IGSF10: variants seen among roughly 807,000 people sequenced by gnomAD.
IGSF10 encodes the protein immunoglobulin superfamily member 10, also known as calvaria mechanical force protein 608.
Under a neutral mutation model 128.2 loss-of-function variants are expected in IGSF10, and 126 were observed. The ratio of observed to expected loss-of-function variants is 0.98; its 90% CI spans 0.85 to 1.14. The LOEUF (loss-of-function observed/expected upper bound fraction) is 1.14. IGSF10 is among the 50% of genes most tolerant of loss of function. The pLI, the probability that IGSF10 is intolerant of heterozygous loss-of-function variation, is 0.00. For missense variants in IGSF10, 3,295 were observed against 3,149.8 expected (o/e 1.05, Z -1.10); for synonymous variants, 1,185 against 1,146.2 (o/e 1.03, Z -0.68).
chr3:151,500,299 C>A, the IGSF10 span, among the ~76,000 whole-genome samples: 9 of 139,704 alleles, frequency 6.4e-5, no homozygotes, highest in Non-Finnish European at 1.1e-4. Flanking sequence ...GTGTATCTCC[C>A]AGACACTAAA....
chr3:151,582,859 T>C, the IGSF10 span, among the ~76,000 whole-genome samples: 1 of 152,230 alleles, frequency 6.6e-6, no homozygotes, highest in Non-Finnish European at 1.5e-5. Flanking sequence ...TTATGTATGA[T>C]TTTTACTAAT....
At chr3:151,461,394 T>A (rs903592917), upstream of IGSF10, 38 of 985,190 alleles carry the variant, frequency 3.9e-5, no homozygotes, top group Non-Finnish European at 4.5e-5. Flanking sequence ...AAAGTTCTAT[T>A]TGAAGGCTAA....
In IGSF10 at chr3:151,453,389, T is replaced by G; in HGVS notation, c.710A>C (p.Lys237Thr). ...LKWLSDWIQE[K>T]PDVIKCKKDR... Reference sequence around the variant, plus strand: ...AAAATAAACAATATAGATACCTGGCTTCTCCTGTATCCAGTCAGACAACCA... The same window carrying G: ...AAAATAAACAATATAGATACCTGGCGTCTCCTGTATCCAGTCAGACAACCA... The change falls in exon 5 of 8, where the codon AAG becomes ACG. Residue 237 changes from lysine to threonine, a missense_variant. By Grantham distance (78) the Lys-to-Thr change is moderately conservative (BLOSUM62 -1). Transcript: ENST00000282466. 1 of 1,583,286 alleles carries G rather than the reference T, an allele frequency of 6.3e-7. No homozygotes were observed. The highest frequency in any genetic ancestry group is 8.5e-7 in the Non-Finnish European group (1 of 1,170,358).
At chr3:151,557,133 G>T in the IGSF10 span, among the ~76,000 whole-genome samples, 34 of 152,264 alleles carry the variant, frequency 2.2e-4, no homozygotes, top group African/African-American at 8.2e-4. Context: ...CAATAGACAG[G>T]TTAACAGGAA....
chr3:151,481,479 C>G, the IGSF10 span, among the ~76,000 whole-genome samples: 3 of 152,188 alleles, frequency 2.0e-5, no homozygotes, highest in South Asian at 6.2e-4. Context: ...AGCATCCCTT[C>G]TTTCTTGCAC....
At chr3:151,575,400 G>A in the IGSF10 span, among the ~76,000 whole-genome samples, 2,314 of 152,106 alleles carry the variant, frequency 0.015, 19 homozygotes, top group South Asian at 0.058. Context: ...CTTCCCGGTC[G>A]CTTTTTTTAC....
At chr3:151,549,003 A>C in the IGSF10 span, among the ~76,000 whole-genome samples, 1 of 152,036 alleles carries the variant, frequency 6.6e-6, no homozygotes, top group Non-Finnish European at 1.5e-5. Flanking sequence ...GATGTTAGTA[A>C]TCATTTTTGT....
chr3:151,537,338 C>T, the IGSF10 span, among the ~76,000 whole-genome samples: 4 of 152,056 alleles, frequency 2.6e-5, no homozygotes, highest in African/African-American at 7.2e-5. Context: ...TTGTGACTTT[C>T]CCCTGAAGTC....
the IGSF10 span, among the ~76,000 whole-genome samples, chr3:151,567,110 C>G: frequency 1.3e-5 from 2 of 152,132 alleles, no homozygotes; most frequent in African/African-American, 4.8e-5. Flanking sequence ...GACTTGGGCC[C>G]TGGGCATTTT....
At chr3:151,524,950 T>C in the IGSF10 span, among the ~76,000 whole-genome samples, 2 of 151,538 alleles carry the variant, frequency 1.3e-5, no homozygotes, top group Admixed American at 1.3e-4. Flanking sequence ...AGCTATAATA[T>C]TGTCAATATG....
At chr3:151,463,530 T>TG (rs1722147746), upstream of IGSF10, among the ~76,000 whole-genome samples, 1 of 60,276 alleles carries the variant, frequency 1.7e-5, no homozygotes, top group East Asian at 7.5e-4. Context: ...CTGGTTTTTT[T>TG]TTTTTTTTTT....
chr3:151,511,659 G>A, the IGSF10 span, among the ~76,000 whole-genome samples: 3 of 152,024 alleles, frequency 2.0e-5, no homozygotes, highest in East Asian at 1.9e-4. Context: ...CAATTAAAAG[G>A]CACAGACTGG....
chr3:151,562,834 C>T, the IGSF10 span, among the ~76,000 whole-genome samples: 115 of 152,142 alleles, frequency 7.6e-4, no homozygotes, highest in African/African-American at 2.5e-3. Flanking sequence ...TTATCAAGGA[C>T]GTACATACAG....
chr3:151,549,583 T>C, the IGSF10 span, among the ~76,000 whole-genome samples: 1,102 of 152,340 alleles, frequency 7.2e-3, 13 homozygotes, highest in African/African-American at 0.025. Context: ...GAATTTAGCT[T>C]TGCTTCTGCT....
rs148479279 is a variant in IGSF10 at position 151,447,978 on chromosome 3, C to T, written c.2003G>A (p.Arg668Lys). ...FQVSVKMKGQ[R>K]PLEHDGETEG... is the part of the protein sequence containing the mutation. ...TGTTTCTCCATCATGCTCCAAGGGC[C>T]TTTGTCCTTTCATCTTGACTGAAAC... is the stretch of plus-strand genomic sequence containing the variant. Residue 668 changes from arginine (R) to lysine (K), a missense_variant, in exon 6 of 8, where the codon AGG (arginine) becomes AAG (lysine). Coordinates refer to ENST00000282466, the MANE Select transcript of IGSF10 (RefSeq NM_178822.5). 4.4e-5 allele frequency: 71 copies of T among 1,614,018 alleles called. No homozygotes were observed. Among genetic ancestry groups the T allele is most frequent in the Non-Finnish European group, 6.0e-5 (71 of 1,180,046 alleles).
At chr3:151,566,393 G>A in the IGSF10 span, among the ~76,000 whole-genome samples, 6 of 152,166 alleles carry the variant, frequency 3.9e-5, no homozygotes, top group Admixed American at 1.3e-4. Flanking sequence ...ACAACTTTTT[G>A]GATTTATTAA....
In IGSF10 at chr3:151,446,573, C is replaced by T. The variant is rs749982928; in HGVS notation, c.3408G>A (p.Val1136=). ...ATGTCATGACTGCACCAGTTGGAGT[C>T]ACTTGGGAAATTTCAGTCCTGAAAT... ...IKYFRTEISQ[V]TPTGAVMTYA... The change falls in exon 6 of 8, where the codon GTG becomes GTA. Residue 1136 remains valine (V), a synonymous_variant. Transcript: ENST00000282466. 3.1e-6 allele frequency: 5 copies of T among 1,613,932 alleles called. No homozygotes were observed. Among genetic ancestry groups the T allele is most frequent in the East Asian group, 2.2e-5 (1 of 44,892 alleles).
the IGSF10 span, among the ~76,000 whole-genome samples, chr3:151,563,169 C>G: frequency 6.6e-6 from 1 of 152,012 alleles, no homozygotes; most frequent in Non-Finnish European, 1.5e-5. Context: ...TCAGGTGTGT[C>G]TGCCATATAT....
At chr3:151,616,728 G>T in the IGSF10 span, among the ~76,000 whole-genome samples, 12 of 152,316 alleles carry the variant, frequency 7.9e-5, no homozygotes, top group Middle Eastern at 0.01. Context: ...AATTTATAAA[G>T]AGCATCTATC....
Sources: gnomAD v4.1 joint callset for allele counts (sites outside exome capture counted in the v4.1 genomes callset) on GRCh38, gnomAD v4.1.1 for gene constraint, MANE v1.5 for transcripts, NCBI Gene and HGNC (gene_info 2026-07-23, HGNC 2026-07-21) for gene names.